GPBP1: variants seen among roughly 807,000 people sequenced by gnomAD.
GPBP1 encodes the protein GC-rich promoter binding protein 1.
Under a neutral mutation model 56.5 loss-of-function variants are expected in GPBP1, and 13 were observed. The ratio of observed to expected loss-of-function variants is 0.23; its 90% confidence interval spans 0.15 to 0.37. The LOEUF is 0.37. Among genes scored for constraint, GPBP1 ranks in the 10% least tolerant of loss-of-function variants. The pLI is 1.00. For missense variants in GPBP1, 477 were observed against 572.3 expected (o/e 0.83, Z 1.70); for synonymous variants, 204 against 188.9 (o/e 1.08, Z -0.66).
intron 2 of GPBP1, among the ~76,000 whole-genome samples, chr5:57,203,859 A>G (rs16886794): frequency 0.26 from 39,130 of 152,106 alleles, 5,438 homozygotes; most frequent in Middle Eastern, 0.32. Flanking sequence ...TAACTAACAG[A>G]TAAGACATTG....
rs115506288 is a variant in GPBP1 at position 57,238,049 on chromosome 5, A to C, written c.478+2017A>C. 2.7e-3 allele frequency among the ~76,000 whole-genome samples: 412 copies of C among 152,190 alleles called. 2 individuals carry two copies. The highest frequency in any genetic ancestry group is 9.8e-3 in the African/African-American group (405 of 41,470). On this transcript the variant is annotated intron_variant, in intron 6 of 11. Transcript: ENST00000506184. ...TCATGCAGCTTATATCTGTGACTTC[A>C]ATAGTGTTTTTATGTTAACCAGAAT...
At chr5:57,213,773 C>G (rs756938549) in intron 2 of GPBP1, among the ~76,000 whole-genome samples, 1 of 152,112 alleles carries the variant, frequency 6.6e-6, no homozygotes. Context: ...AAAAGCTATA[C>G]TGAGGTATAC....
chr5:57,180,048 A>T (rs831646), intron 2 of GPBP1, among the ~76,000 whole-genome samples: 34,189 of 152,054 alleles, frequency 0.22, 4,853 homozygotes, highest in Non-Finnish European at 0.32. Flanking sequence ...AGAAAGGGGT[A>T]ATTGAGGAGG....
chr5:57,229,942 C>T (rs1326293276), intron 3 of GPBP1, among the ~76,000 whole-genome samples: 2 of 22,258 alleles, frequency 9.0e-5, no homozygotes, highest in Non-Finnish European at 7.3e-5. Flanking sequence ...CATCGCATCG[C>T]GTCCCGTCCC....
intron 2 of GPBP1, among the ~76,000 whole-genome samples, chr5:57,197,360 C>CTTTT (rs34110209): frequency 1.7e-4 from 20 of 119,846 alleles, no homozygotes; most frequent in African/African-American, 4.3e-4. Context: ...TATCATTTTG[C>CTTTT]TTTTTTTTTT....
chr5:57,190,594 A>G (rs921592735), intron 2 of GPBP1, among the ~76,000 whole-genome samples: 9 of 151,624 alleles, frequency 5.9e-5, no homozygotes, highest in Admixed American at 4.6e-4. Context: ...AGTTAAAAAA[A>G]AAAAAAGAAA....
rs775509805 is a variant in GPBP1, at chr5:57,236,041, T to A, written c.478+9T>A. The A allele has an allele frequency of 5.1e-6, 8 of 1,576,698 alleles. No individual in the cohort carries two copies. In the South Asian group the frequency reaches 8.9e-5, roughly 18 times the overall value. On this transcript the variant is annotated intron_variant, in intron 6 of 11. Transcript: ENST00000506184. ...AGCTGCAGGTGTGTGGGGTAAGTAATTTTTTATCTATATTTGAGGGGCACA... is the reference window on the plus strand; with the variant it reads ...AGCTGCAGGTGTGTGGGGTAAGTAAATTTTTATCTATATTTGAGGGGCACA...
At chr5:57,244,988 A>T (rs1228718610) in intron 6 of GPBP1, among the ~76,000 whole-genome samples, 1 of 152,090 alleles carries the variant, frequency 6.6e-6, no homozygotes, top group Non-Finnish European at 1.5e-5. Context: ...TGCCCGCCTC[A>T]TCTCCCAAAG....
intron 5 of GPBP1, among the ~76,000 whole-genome samples, chr5:57,232,251 G>A (rs1198845089): frequency 6.6e-6 from 1 of 152,280 alleles, no homozygotes; most frequent in East Asian, 1.9e-4. Flanking sequence ...GCCTCCCAAA[G>A]GGCTGGGATT....
intron 2 of GPBP1, among the ~76,000 whole-genome samples, chr5:57,198,808 C>G (rs571300695): frequency 1.2e-4 from 18 of 152,238 alleles, no homozygotes; most frequent in African/African-American, 4.3e-4. Context: ...GACAGTGAGA[C>G]TGTCTCAAAT....
In GPBP1 at chr5:57,230,494, C is replaced by T. The variant is rs370266940; in HGVS notation, c.64-352C>T. ...AATTTTTCTCTGATGTAGAAGGAAACTGAGCTGTAGTGAAAATTTATATCA... is the reference window on the plus strand; with the variant it reads ...AATTTTTCTCTGATGTAGAAGGAAATTGAGCTGTAGTGAAAATTTATATCA... On this transcript the variant is annotated intron_variant, in intron 3 of 11. Transcript: ENST00000506184. 7.0e-4 allele frequency among the ~76,000 whole-genome samples: 106 copies of T among 152,240 alleles called. 1 individual carries two copies. The highest frequency in any genetic ancestry group is 2.6e-3 in the African/African-American group (106 of 41,554).
At chr5:57,237,904 A>G (rs1374156642) in intron 6 of GPBP1, among the ~76,000 whole-genome samples, 1 of 152,118 alleles carries the variant, frequency 6.6e-6, no homozygotes, top group Non-Finnish European at 1.5e-5. Context: ...AAACTGGCAG[A>G]CTTAAACATG....
Position 57,242,400 on chromosome 5 carries a change from A to G in GPBP1, c.479-3900A>G, listed in dbSNP as rs556288143. Among the ~76,000 whole-genome samples, 7 of 152,336 alleles carry G rather than the reference A, an allele frequency of 4.6e-5. No individual in the cohort carries two copies. In the South Asian group the frequency reaches 6.2e-4, roughly 14 times the overall value. On this transcript the variant is annotated intron_variant, in intron 6 of 11. Transcript: ENST00000506184. ...ATAGGTGAGAGATTAAGTAACTTATATAAGATTATACAACTGGTAAGGTTG... is the reference window on the plus strand; with the variant it reads ...ATAGGTGAGAGATTAAGTAACTTATGTAAGATTATACAACTGGTAAGGTTG...
At chr5:57,246,510 A>T (rs769823991) in intron 7 of GPBP1, 26 bp downstream of exon 7, 20 of 1,568,912 alleles carry the variant, frequency 1.3e-5, no homozygotes, top group Non-Finnish European at 1.7e-5. Context: ...CCACAAATGT[A>T]AATTTTGAGT....
intron 2 of GPBP1, among the ~76,000 whole-genome samples, chr5:57,193,572 C>T (rs1754618388): frequency 6.8e-6 from 1 of 146,002 alleles, no homozygotes; most frequent in Non-Finnish European, 1.5e-5. Flanking sequence ...CAAGATCATG[C>T]CACTGCACTC....
intron 3 of GPBP1, 29 bp downstream of exon 3, chr5:57,214,222 T>C: frequency 2.0e-6 from 3 of 1,491,208 alleles, no homozygotes; most frequent in Non-Finnish European, 2.8e-6. Context: ...TCTTTCTGTC[T>C]GCTTCTCTTG....
At chr5:57,234,330 C>CA (rs1388641481) in intron 5 of GPBP1, among the ~76,000 whole-genome samples, 1 of 152,198 alleles carries the variant, frequency 6.6e-6, no homozygotes, top group Non-Finnish European at 1.5e-5. Flanking sequence ...TTAGAGCACT[C>CA]ATTCAATGCT....
chr5:57,194,670 C>A (rs1754671093), intron 2 of GPBP1, among the ~76,000 whole-genome samples: 1 of 151,942 alleles, frequency 6.6e-6, no homozygotes, highest in African/African-American at 2.4e-5. Flanking sequence ...CCCAACCTTC[C>A]CACTCCCCAG....
chr5:57,177,171 G>A (rs1753820334), intron 2 of GPBP1, among the ~76,000 whole-genome samples: 1 of 151,940 alleles, frequency 6.6e-6, no homozygotes, highest in Non-Finnish European at 1.5e-5. Flanking sequence ...TGTAAGCAAA[G>A]CTTTTTTTTA....
Sources: gnomAD v4.1 joint callset for allele counts (sites outside exome capture counted in the v4.1 genomes callset) on GRCh38, gnomAD v4.1.1 for gene constraint, MANE v1.5 for transcripts, NCBI Gene and HGNC (gene_info 2026-07-23, HGNC 2026-07-21) for gene names.